The following SPSB4 variants were observed in gnomAD, a reference collection of about 807,000 sequenced individuals.
SPSB4 encodes the protein SPRY domain-containing SOCS box protein 4.
Under a neutral mutation model 20.9 loss-of-function variants are expected in SPSB4, and 21 were observed. That is an observed-to-expected ratio of 1.01 (90% CI 0.71 to 1.45). The LOEUF is 1.45. SPSB4 is among the 40% of genes most tolerant of loss of function. The pLI is 0.00. For missense variants in SPSB4, 399 were observed against 399.2 expected (o/e 1.00, Z 0.00); for synonymous variants, 207 against 183.8 (o/e 1.13, Z -1.02).
At chr3:141,060,460 C>G (rs1461139479) in intron 1 of SPSB4, among the ~76,000 whole-genome samples, 1 of 152,164 alleles carries the variant, frequency 6.6e-6, no homozygotes, top group Non-Finnish European at 1.5e-5. Context: ...TATGGTAACT[C>G]TGGGGTTGAT....
Position 141,139,234 on chromosome 3 carries a change from C to A in SPSB4, c.695-7908C>A, listed in dbSNP as rs200400908. Among the ~76,000 whole-genome samples, 240 of 152,188 alleles carry A rather than the reference C, an allele frequency of 1.6e-3. 9 individuals carry two copies. The East Asian group carries it at 0.045, about 29-fold the overall frequency. On this transcript the variant is annotated intron_variant, in intron 2 of 2. Transcript: ENST00000310546. ...TATTTTGAGCCTATGTGTGTCTCTG[C>A]ACGTGAGATGGGTTTCCTGAACACA...
chr3:141,109,229 A>G lies in SPSB4; in HGVS notation c.695-37913A>G, dbSNP rs539192223. 3.3e-5 allele frequency among the ~76,000 whole-genome samples: 5 copies of G among 152,150 alleles called. No individual in the cohort carries two copies. In the South Asian group the frequency reaches 1.0e-3, roughly 32 times the overall value. ...ACAAATACACAAACAGCAGCAGTCC[A>G]CTCACACCTTGCCATGCACCTTGCT... On this transcript the variant is annotated intron_variant, in intron 2 of 2. Transcript: ENST00000310546.
At chr3:141,081,417 T>A (rs1287249826) in intron 2 of SPSB4, among the ~76,000 whole-genome samples, 1 of 152,170 alleles carries the variant, frequency 6.6e-6, no homozygotes, top group Non-Finnish European at 1.5e-5. Context: ...TGGGACTTCT[T>A]CTGGGCCAGT....
chr3:141,057,406 A>T (rs2107774743), intron 1 of SPSB4, among the ~76,000 whole-genome samples: 1 of 152,328 alleles, frequency 6.6e-6, no homozygotes, highest in East Asian at 1.9e-4. Flanking sequence ...AAAGACATGA[A>T]ATAAATAGTC....
rs60777947 is a variant in SPSB4, at chr3:141,091,808, A to C, written c.694+25010A>C. Among the ~76,000 whole-genome samples the C allele has an allele frequency of 3.3e-5, 5 of 152,292 alleles. No individual in the cohort carries two copies. The East Asian group carries it at 9.6e-4, about 29-fold the overall frequency. ...CAGGTGGTACCAGGGGCCCGGGTTC[A>C]TGCTAAAAATGGCCAGGGAACACAG... On this transcript the variant is annotated intron_variant, in intron 2 of 2. Transcript: ENST00000310546.
Position 141,078,398 on chromosome 3 carries a change from G to C in SPSB4, c.694+11600G>C, listed in dbSNP as rs565420093. On this transcript the variant is annotated intron_variant, in intron 2 of 2. Transcript: ENST00000310546. ...GCCTGGAATGCCTGGCTGGAAGGAG[G>C]GTGTGGGGAGTGCAAGGTCCTTAGG... is the stretch of plus-strand genomic sequence containing the variant. 2.0e-5 allele frequency among the ~76,000 whole-genome samples: 3 copies of C among 152,344 alleles called. No homozygotes were observed. The South Asian group carries it at 6.2e-4, about 32-fold the overall frequency.
intron 2 of SPSB4, among the ~76,000 whole-genome samples, chr3:141,105,714 G>A (rs1938676852): frequency 6.6e-6 from 1 of 152,168 alleles, no homozygotes; most frequent in Admixed American, 6.5e-5. Context: ...GACAGGGTTA[G>A]GAAGAGGCAA....
At chr3:141,094,671 C>T (rs2107793278) in intron 2 of SPSB4, among the ~76,000 whole-genome samples, 1 of 152,126 alleles carries the variant, frequency 6.6e-6, no homozygotes, top group East Asian at 1.9e-4. Flanking sequence ...CAAGTGGAAA[C>T]CACGTTATTG....
At chr3:141,057,924 T>C (rs962035024) in intron 1 of SPSB4, among the ~76,000 whole-genome samples, 2 of 152,224 alleles carry the variant, frequency 1.3e-5, no homozygotes, top group African/African-American at 4.8e-5. Context: ...CTGACCCCTT[T>C]GGTGTAGGCT....
chr3:141,073,830 A>G (rs57086788), intron 2 of SPSB4, among the ~76,000 whole-genome samples: 7,065 of 152,226 alleles, frequency 0.046, 535 homozygotes, highest in African/African-American at 0.16. Flanking sequence ...TGTACAGCAC[A>G]TCTGTCCCTG....
At chr3:141,096,161 T>C (rs1938544559) in intron 2 of SPSB4, among the ~76,000 whole-genome samples, 1 of 152,150 alleles carries the variant, frequency 6.6e-6, no homozygotes, top group Non-Finnish European at 1.5e-5. Context: ...AAGCCTTTTA[T>C]ATGCTTCCTT....
chr3:141,071,396 CCTGG>C (rs1360004452), intron 2 of SPSB4, among the ~76,000 whole-genome samples: 1 of 152,088 alleles, frequency 6.6e-6, no homozygotes, highest in Non-Finnish European at 1.5e-5. Flanking sequence ...CCTTGGGGTC[CCTGG>C]CAGCTTTGAT....
chr3:141,088,720 C>A (rs912997475), intron 2 of SPSB4, among the ~76,000 whole-genome samples: 8 of 152,202 alleles, frequency 5.3e-5, no homozygotes, highest in African/African-American at 1.9e-4. Flanking sequence ...TCAGAGCATC[C>A]TAGTGAATGA....
intron 2 of SPSB4, among the ~76,000 whole-genome samples, chr3:141,136,379 A>G (rs1939228759): frequency 6.6e-6 from 1 of 152,014 alleles, no homozygotes; most frequent in Non-Finnish European, 1.5e-5. Context: ...TTTTGTTGCC[A>G]TTGCTTTTGG....
chr3:141,102,641 G>A (rs1367655883), intron 2 of SPSB4, among the ~76,000 whole-genome samples: 2 of 152,152 alleles, frequency 1.3e-5, no homozygotes, highest in Non-Finnish European at 2.9e-5. Context: ...CATGCAGGGA[G>A]CATGGCAGGA....
intron 2 of SPSB4, 97 bp from the exon 3 acceptor site, chr3:141,147,045 C>T (rs1482716437): frequency 6.5e-7 from 1 of 1,547,088 alleles, no homozygotes; most frequent in East Asian, 2.3e-5. Flanking sequence ...AAGGCCAGCT[C>T]AGAGGAGCAG....
intron 2 of SPSB4, among the ~76,000 whole-genome samples, chr3:141,133,849 G>A (rs567496931): frequency 2.6e-5 from 4 of 152,014 alleles, no homozygotes; most frequent in Non-Finnish European, 5.9e-5. Context: ...GATGGGAATT[G>A]CATTGAATTT....
At chr3:141,137,444 C>A (rs2107806795) in intron 2 of SPSB4, among the ~76,000 whole-genome samples, 1 of 152,240 alleles carries the variant, frequency 6.6e-6, no homozygotes, top group Middle Eastern at 3.4e-3. Flanking sequence ...CAGTTTTTGC[C>A]CATTCGGTAT....
At chr3:141,139,001 T>G (rs941191666) in intron 2 of SPSB4, among the ~76,000 whole-genome samples, 2 of 152,232 alleles carry the variant, frequency 1.3e-5, no homozygotes, top group Non-Finnish European at 2.9e-5. Context: ...AGGACTTCCT[T>G]TATGAATCTG....
Sources: allele counts gnomAD v4.1 joint callset (sites outside exome capture counted in the v4.1 genomes callset), GRCh38; gene constraint gnomAD v4.1.1; transcripts MANE v1.5; gene names NCBI Gene and HGNC (gene_info 2026-07-23, HGNC 2026-07-21).